The following ST7 variants were observed in gnomAD, a reference collection of about 807,000 sequenced individuals.
ST7 encodes suppression of tumorigenicity 7.
ST7 carries 28 observed loss-of-function variants against 78.7 expected under a neutral mutation model. That is an observed-to-expected ratio of 0.36 (90% CI 0.26 to 0.49). The LOEUF (loss-of-function observed/expected upper bound fraction) is 0.49. Among genes scored for constraint, ST7 ranks in the 20% least tolerant of loss-of-function variants. The pLI, the probability that ST7 is intolerant of heterozygous loss-of-function variation, is 0.99. For synonymous variants in ST7, 247 were observed against 249.6 expected, an observed-to-expected ratio of 0.99 and a Z score of 0.10; for missense variants, 418 against 696.0, an observed-to-expected ratio of 0.60 and a Z score of 4.49.
Position 117,131,900 on chromosome 7 carries a change from G to GGA in ST7, c.590_591dup (p.Asn198GlufsTer16). 1 of 1,611,124 alleles carries GGA rather than the reference G, an allele frequency of 6.2e-7. No individual in the cohort carries two copies. The highest frequency in any genetic ancestry group is 8.5e-7 in the Non-Finnish European group (1 of 1,178,046). On this transcript the variant is annotated frameshift_variant, in exon 6 of 16. Transcript: ENST00000323984. LOFTEE classifies it high-confidence loss of function. ...TCTTAAATAGTAATGCAGAAAGCCT[G>GGA]GAGAGAGAGAAACCCCCAAGCTAGG...
At chr7:117,123,461 G>A (rs1279604214) in intron 3 of ST7, among the ~76,000 whole-genome samples, 1 of 152,124 alleles carries the variant, frequency 6.6e-6, no homozygotes, top group Admixed American at 6.6e-5. Context: ...TTATCTGCGG[G>A]CCAGTGGAGA....
At chr7:117,009,172 AT>A (rs1795273858) in intron 1 of ST7, among the ~76,000 whole-genome samples, 1 of 151,640 alleles carries the variant, frequency 6.6e-6, no homozygotes. Context: ...TACCATGGAA[AT>A]TTGTGATCTT....
intron 6 of ST7, among the ~76,000 whole-genome samples, chr7:117,132,224 A>C (rs1403078561): frequency 2.0e-5 from 3 of 151,842 alleles, no homozygotes; most frequent in African/African-American, 7.3e-5. Context: ...TATTGTGAGG[A>C]TATAAAATAA....
At chr7:117,173,541 T>G (rs1396556611) in intron 10 of ST7, 1 of 152,304 alleles carries the variant, frequency 6.6e-6, no homozygotes, top group East Asian at 1.9e-4. Flanking sequence ...GAGTTGCTGG[T>G]TCCTTATCTG....
chr7:117,138,366 G>A, intron 8 of ST7, 69 bp from the exon 9 acceptor site: 2 of 1,052,704 alleles, frequency 1.9e-6, no homozygotes, highest in Non-Finnish European at 2.7e-6. Flanking sequence ...TTTCCTTTAG[G>A]GGCAAGGCAA....
intron 15 of ST7, among the ~76,000 whole-genome samples, 166 bp from the exon 16 acceptor site, chr7:117,229,595 AG>A (rs1295743685): frequency 1.3e-5 from 2 of 152,216 alleles, no homozygotes; most frequent in Non-Finnish European, 2.9e-5. Flanking sequence ...ACTGGAATGC[AG>A]GTTTGACCAT....
intron 9 of ST7, among the ~76,000 whole-genome samples, chr7:117,164,007 A>G (rs1307476017): frequency 6.6e-6 from 1 of 151,856 alleles, no homozygotes; most frequent in Admixed American, 6.6e-5. Context: ...TAGAAATAGA[A>G]AAACAATCCT....
chr7:117,038,704 G>A (rs1286479357), intron 1 of ST7, among the ~76,000 whole-genome samples: 3 of 152,172 alleles, frequency 2.0e-5, no homozygotes, highest in Non-Finnish European at 2.9e-5. Context: ...CGAGCACTTG[G>A]AAGGCAGTGT....
intron 1 of ST7, among the ~76,000 whole-genome samples, chr7:116,998,321 G>A (rs540057190): frequency 1.6e-3 from 245 of 152,302 alleles, no homozygotes; most frequent in Middle Eastern, 6.8e-3. Flanking sequence ...ACACCCACCC[G>A]GAACTCACAC....
At chr7:117,100,842 G>A (rs1258350790) in intron 2 of ST7, among the ~76,000 whole-genome samples, 1 of 152,032 alleles carries the variant, frequency 6.6e-6, no homozygotes, top group Non-Finnish European at 1.5e-5. Flanking sequence ...AGGCAAAAAG[G>A]TTTTAGAAAA....
chr7:117,053,628 C>A (rs971826070), intron 1 of ST7, among the ~76,000 whole-genome samples: 1 of 152,174 alleles, frequency 6.6e-6, no homozygotes, highest in Non-Finnish European at 1.5e-5. Context: ...CTCCTTCTGG[C>A]CACCCTTCAG....
chr7:117,203,566 A>G (rs555087159), intron 12 of ST7, among the ~76,000 whole-genome samples: 88 of 152,256 alleles, frequency 5.8e-4, no homozygotes, highest in African/African-American at 2.1e-3. Flanking sequence ...TTTTTTCAGT[A>G]TAAACTCTTA....
chr7:116,955,471 C>G (rs1313042942), intron 1 of ST7, among the ~76,000 whole-genome samples: 1 of 152,138 alleles, frequency 6.6e-6, no homozygotes, highest in East Asian at 1.9e-4. Context: ...AACAAACCTA[C>G]TCCCTCAATA....
chr7:116,960,943 A>T (rs1332191882), intron 1 of ST7, among the ~76,000 whole-genome samples: 2 of 152,010 alleles, frequency 1.3e-5, no homozygotes, highest in African/African-American at 4.8e-5. Flanking sequence ...GGGTTTTTAT[A>T]GTTTTTGGTT....
intron 1 of ST7, among the ~76,000 whole-genome samples, chr7:116,964,373 G>A (rs927227732): frequency 2.0e-5 from 3 of 152,048 alleles, no homozygotes; most frequent in Non-Finnish European, 4.4e-5. Flanking sequence ...TTTATTGAAC[G>A]TTCCTAATAG....
intron 9 of ST7, among the ~76,000 whole-genome samples, chr7:117,152,118 C>CAAA (rs199819599): frequency 1.7e-5 from 2 of 119,710 alleles, no homozygotes; most frequent in African/African-American, 6.1e-5. Context: ...GACACCATCT[C>CAAA]AAAAAAAAAT....
chr7:117,124,347 T>G (rs1415651664), intron 3 of ST7, among the ~76,000 whole-genome samples: 3 of 152,030 alleles, frequency 2.0e-5, no homozygotes, highest in Admixed American at 2.0e-4. Flanking sequence ...TATCTCTCTT[T>G]TATAGTTAAG....
intron 1 of ST7, chr7:117,098,755 T>C: frequency 7.7e-7 from 1 of 1,297,950 alleles, no homozygotes; most frequent in Non-Finnish European, 1.0e-6. Flanking sequence ...CCAGACTGGA[T>C]GTGATTCCCT....
Position 117,212,617 on chromosome 7 carries a change from T to C in ST7, c.1405+2680T>C, listed in dbSNP as rs1792383379. On this transcript the variant is annotated intron_variant, in intron 13 of 15. Coordinates refer to ENST00000323984, the MANE Select transcript of ST7 (RefSeq NM_001369598.1). ...AATTTTATAAAATAAATAACAGGTATGTATAAATAAATGAAAGAGACTGGA... is the reference window on the plus strand; with the variant it reads ...AATTTTATAAAATAAATAACAGGTACGTATAAATAAATGAAAGAGACTGGA... Among the ~76,000 whole-genome samples the C allele has an allele frequency of 2.0e-5, 3 of 152,170 alleles. No individual in the cohort carries two copies. In the South Asian group the frequency reaches 6.2e-4, roughly 32 times the overall value.
Sources: gnomAD v4.1 joint callset for allele counts (sites outside exome capture counted in the v4.1 genomes callset) on GRCh38, gnomAD v4.1.1 for gene constraint, MANE v1.5 for transcripts, NCBI Gene and HGNC (gene_info 2026-07-23, HGNC 2026-07-21) for gene names.